Variants in TMEM132D observed in about 807,000 individuals in gnomAD.
TMEM132D encodes transmembrane protein 132D.
In TMEM132D, 21 loss-of-function variants were observed where a neutral mutation model predicts 62.3. The ratio of observed to expected loss-of-function variants is 0.34; its 90% CI spans 0.24 to 0.49. TMEM132D has a LOEUF of 0.49. Ranked by LOEUF, TMEM132D falls within the 20% of genes least tolerant of loss-of-function variation. TMEM132D has a pLI of 0.99. For synonymous variants in TMEM132D, 621 were observed against 575.6 expected (o/e 1.08, Z -1.13); for missense variants, 1,346 against 1,402.8 (o/e 0.96, Z 0.65).
intron 1 of TMEM132D, among the ~76,000 whole-genome samples, chr12:129,777,677 C>A (rs1458361283): frequency 2.0e-5 from 3 of 152,156 alleles, no homozygotes; most frequent in Non-Finnish European, 4.4e-5. Flanking sequence ...CTTTATAGTA[C>A]AACTCAGAGG....
chr12:129,076,697 G>A (rs1047424859), intron 8 of TMEM132D, among the ~76,000 whole-genome samples: 3 of 152,186 alleles, frequency 2.0e-5, no homozygotes, highest in East Asian at 1.9e-4. Context: ...AACGCACAAC[G>A]GAGTTCTTGA....
At chr12:129,414,125 T>C (rs750870283) in intron 3 of TMEM132D, among the ~76,000 whole-genome samples, 35 of 152,220 alleles carry the variant, frequency 2.3e-4, no homozygotes, top group Non-Finnish European at 1.2e-4. Flanking sequence ...CCGCATAAAG[T>C]GGGCGGCTGT....
chr12:129,537,281 C>T (rs1163536890), intron 2 of TMEM132D, among the ~76,000 whole-genome samples: 3 of 151,730 alleles, frequency 2.0e-5, no homozygotes, highest in Admixed American at 6.6e-5. Context: ...TGAAAATGCA[C>T]ATTTTAAACC....
intron 5 of TMEM132D, among the ~76,000 whole-genome samples, chr12:129,107,242 A>G (rs1396947294): frequency 1.3e-5 from 2 of 152,250 alleles, no homozygotes; most frequent in Non-Finnish European, 1.5e-5. Context: ...GTCCTATCAG[A>G]TATGATATCT....
In TMEM132D at chr12:129,081,870, C is replaced by T. The variant is rs1157036064; in HGVS notation, c.1812G>A (p.Val604=). ...AGTCATTTATCAGCTCCGTGATGTCCACTTGCCAGTCTGAGCCCAGCAGGT... is the reference window on the plus strand; with the variant it reads ...AGTCATTTATCAGCTCCGTGATGTCTACTTGCCAGTCTGAGCCCAGCAGGT... ...LAHLLGSDWQ[V]DITELINDFM... is the part of the protein sequence containing the mutation. The change falls in exon 7 of 9, where the codon GTG becomes GTA. Residue 604 remains valine, a synonymous_variant. Transcript: ENST00000422113. The T allele has an allele frequency of 6.2e-7, 1 of 1,614,054 alleles. No individual in the cohort carries two copies. Among genetic ancestry groups the T allele is most frequent in the Non-Finnish European group, 8.5e-7 (1 of 1,180,020 alleles).
intron 2 of TMEM132D, among the ~76,000 whole-genome samples, chr12:129,661,011 T>A (rs1565940323): frequency 6.6e-6 from 1 of 152,188 alleles, no homozygotes; most frequent in African/African-American, 2.4e-5. Flanking sequence ...TCTTACTGAA[T>A]CACTTACAAA....
chr12:129,178,107 C>T (rs1231893997), intron 5 of TMEM132D, among the ~76,000 whole-genome samples: 2 of 152,162 alleles, frequency 1.3e-5, no homozygotes, highest in East Asian at 3.8e-4. Flanking sequence ...GATCTTGTTC[C>T]TTTTTATGGC....
At chr12:129,643,612 G>A (rs1004344543) in intron 2 of TMEM132D, among the ~76,000 whole-genome samples, 6 of 152,154 alleles carry the variant, frequency 3.9e-5, no homozygotes, top group Non-Finnish European at 7.3e-5. Context: ...CTAAGCTAAA[G>A]GGAAAAGTCA....
chr12:129,352,039 T>C (rs895200653), intron 3 of TMEM132D, among the ~76,000 whole-genome samples: 1 of 152,138 alleles, frequency 6.6e-6, no homozygotes, highest in Non-Finnish European at 1.5e-5. Flanking sequence ...GGGAGATATG[T>C]CAGAGGCGTT....
chr12:129,833,922 C>A (rs1269833745), intron 1 of TMEM132D, among the ~76,000 whole-genome samples: 1 of 152,038 alleles, frequency 6.6e-6, no homozygotes, highest in Non-Finnish European at 1.5e-5. Context: ...TCAAGCATGT[C>A]GCATATGAGC....
At chr12:129,848,614 T>A (rs765080255) in intron 1 of TMEM132D, among the ~76,000 whole-genome samples, 3 of 152,218 alleles carry the variant, frequency 2.0e-5, no homozygotes, top group Non-Finnish European at 2.9e-5. Context: ...AATTAGATAT[T>A]TTCTGTTCAG....
intron 3 of TMEM132D, among the ~76,000 whole-genome samples, chr12:129,499,691 G>A (rs1394934632): frequency 1.3e-5 from 2 of 152,204 alleles, no homozygotes; most frequent in African/African-American, 4.8e-5. Context: ...TTCTGGGACA[G>A]TGGAAACATG....
chr12:129,402,048 T>C (rs1159639333), intron 3 of TMEM132D, among the ~76,000 whole-genome samples: 1 of 152,178 alleles, frequency 6.6e-6, no homozygotes, highest in Non-Finnish European at 1.5e-5. Context: ...TTCTTCCATT[T>C]CAACAACCCA....
chr12:129,902,337 G>A (rs1347539218), intron 1 of TMEM132D, among the ~76,000 whole-genome samples: 10 of 152,204 alleles, frequency 6.6e-5, no homozygotes, highest in Non-Finnish European at 1.5e-5. Context: ...AGACTGCTGA[G>A]ACGCTTCACT....
chr12:129,132,219 T>C (rs912701750), intron 5 of TMEM132D, among the ~76,000 whole-genome samples: 3 of 152,232 alleles, frequency 2.0e-5, no homozygotes, highest in South Asian at 2.1e-4. Context: ...AATATCTATC[T>C]ATCTATCTAC....
intron 1 of TMEM132D, among the ~76,000 whole-genome samples, chr12:129,799,155 C>T (rs1426328959): frequency 1.3e-5 from 2 of 152,030 alleles, no homozygotes; most frequent in African/African-American, 4.8e-5. Flanking sequence ...ATCCCAACTA[C>T]TCAGGAGGCT....
At position 129,685,302 on chromosome 12, in the gene TMEM132D, C is replaced by T. The variant is rs77897243; in HGVS notation, c.968+14508G>A. The stretch of plus-strand genomic sequence containing the variant: ...GTTTCTTGGGCTGGGCCCAGGGCCC[C>T]CCTACTGTATGCAGCCTAGGGAATT... On this transcript the variant is annotated intron_variant, in intron 2 of 8. Coordinates refer to ENST00000422113, the MANE Select transcript of TMEM132D (RefSeq NM_133448.3). Among the ~76,000 whole-genome samples the T allele has an allele frequency of 7.4e-4, 112 of 152,298 alleles. 1 individual carries two copies. The East Asian group carries it at 0.02, about 27-fold the overall frequency.
chr12:129,269,223 C>G (rs1235607430), intron 4 of TMEM132D, among the ~76,000 whole-genome samples: 1 of 152,028 alleles, frequency 6.6e-6, no homozygotes, highest in African/African-American at 2.4e-5. Flanking sequence ...GTCACTGTTT[C>G]TTTCTTTTTA....
chr12:129,308,771 T>G (rs567044251), intron 4 of TMEM132D, among the ~76,000 whole-genome samples: 1 of 152,368 alleles, frequency 6.6e-6, no homozygotes, highest in East Asian at 1.9e-4. Context: ...CAGCCAATTT[T>G]GGGGCTATTC....
Sources: allele counts gnomAD v4.1 joint callset (sites outside exome capture counted in the v4.1 genomes callset), GRCh38; gene constraint gnomAD v4.1.1; transcripts MANE v1.5; gene names NCBI Gene and HGNC (gene_info 2026-07-23, HGNC 2026-07-21).